The following TRIOBP variants were observed in gnomAD, a reference collection of about 807,000 sequenced individuals.
TRIOBP encodes the protein TRIO and F-actin binding protein.
In TRIOBP, 169 loss-of-function variants were observed where a neutral mutation model predicts 238.8. The observed-to-expected ratio is 0.71, with a 90% confidence interval of 0.62 to 0.80. The LOEUF is 0.80. TRIOBP is among the 30% of genes least tolerant of loss of function. The pLI is 0.00. For synonymous variants in TRIOBP, 1,150 were observed against 1,274.4 expected (o/e 0.90, Z 2.08); for missense variants, 2,838 against 3,122.6 (o/e 0.91, Z 2.17).
intron 6 of TRIOBP, among the ~76,000 whole-genome samples, chr22:37,717,973 G>A (rs1354255994): frequency 6.6e-6 from 1 of 152,220 alleles, no homozygotes; most frequent in Non-Finnish European, 1.5e-5. Context: ...TGCAGGTCCC[G>A]AGCCCTGCCC....
chr22:37,759,866 A>G (rs1926152468), intron 17 of TRIOBP: 3 of 729,606 alleles, frequency 4.1e-6, no homozygotes, highest in Non-Finnish European at 5.5e-6. Flanking sequence ...GTGTGTGTGT[A>G]CACATATATA....
chr22:37,711,609 CA>C lies in TRIOBP; in HGVS notation c.254+1052del, dbSNP rs1194726816. On this transcript the variant is annotated intron_variant, in intron 4 of 23. Coordinates refer to ENST00000644935, the MANE Select transcript of TRIOBP (RefSeq NM_001039141.3). ...AAAAAAAAACAACAAAAAAAAAAAA[CA>C]AAAAAAAACCCACAAAAAAACGAAA... is the stretch of plus-strand genomic sequence containing the variant. Among the ~76,000 whole-genome samples, 57 of 128,202 alleles carry C rather than the reference CA, an allele frequency of 4.4e-4. 1 individual carries two copies. Among genetic ancestry groups the C allele is most frequent in the South Asian group, 9.8e-4 (4 of 4,098 alleles). 84.1% of individuals were successfully genotyped at this position (128,202 alleles called of 152,430 possible).
rs1443933283 is a variant in TRIOBP at position 37,719,985 on chromosome 22, T to A, written c.629-3200T>A. On this transcript the variant is annotated intron_variant, in intron 6 of 23. Coordinates refer to ENST00000644935, the MANE Select transcript of TRIOBP (RefSeq NM_001039141.3). ...CCCCACACTGCACTCACTGTTTCAC[T>A]CATCCCCCCCCGCCCTTTTTTTTTT... Among the ~76,000 whole-genome samples the A allele has an allele frequency of 3.5e-5, 4 of 115,258 alleles. 1 individual carries two copies. Among genetic ancestry groups the A allele is most frequent in the African/African-American group, 1.4e-4 (4 of 27,932 alleles). 75.6% of individuals were successfully genotyped at this position (115,258 alleles called of 152,430 possible).
In TRIOBP at chr22:37,725,301, G is replaced by A. The variant is rs56352716; in HGVS notation, c.2745G>A (p.Gln915=). 1 of 1,613,638 alleles carries A rather than the reference G, an allele frequency of 6.2e-7. No homozygotes were observed. Residue 915 remains glutamine (Q), a synonymous_variant, in exon 7 of 24, where the codon CAG becomes CAA. Transcript: ENST00000644935. ...CCTCGTTTCCCCTCCGGCCAACTCA[G>A]AGTGATGGTCCCCGAACCTCTTCCC... The part of the protein sequence containing the change: ...PWASFPLRPT[Q]SDGPRTSSPS...
chr22:37,755,436 C>T (rs1303857096), intron 14 of TRIOBP, 114 bp from the exon 15 acceptor site: 1 of 1,048,620 alleles, frequency 9.5e-7, no homozygotes, highest in African/African-American at 1.6e-5. Context: ...CCACCCCAGA[C>T]TCAAGACCTT....
chr22:37,767,034 C>T (rs1569062486), intron 18 of TRIOBP, among the ~76,000 whole-genome samples: 1 of 150,306 alleles, frequency 6.7e-6, no homozygotes. Context: ...AGGTGCATCA[C>T]GAGGTCAGGA....
intron 11 of TRIOBP, 123 bp from the exon 12 acceptor site, chr22:37,751,649 C>G (rs1055222779): frequency 2.0e-4 from 229 of 1,130,000 alleles, no homozygotes; most frequent in Non-Finnish European, 2.9e-4. Context: ...GCCCTCTTGG[C>G]TGGCTTCCCA....
intron 15 of TRIOBP, 97 bp from the exon 16 acceptor site, chr22:37,757,516 T>C (rs1925991337): frequency 6.6e-7 from 1 of 1,504,766 alleles, no homozygotes; most frequent in African/African-American, 1.4e-5. Context: ...CTCCAGCCCC[T>C]GGCACAGGGC....
chr22:37,751,212 C>T, intron 11 of TRIOBP: 1 of 365,738 alleles, frequency 2.7e-6, no homozygotes, highest in Admixed American at 4.0e-5. Flanking sequence ...TAGGGCTTGC[C>T]AGGACTGACC....
At position 37,734,937 on chromosome 22, in the gene TRIOBP, C is replaced by T. The variant is rs767001229; in HGVS notation, c.4601C>T (p.Pro1534Leu). 6 of 1,613,392 alleles carry T rather than the reference C, an allele frequency of 3.7e-6. No homozygotes were observed. The South Asian group carries it at 5.5e-5, about 15-fold the overall frequency. Residue 1534 changes from proline (P) to leucine (L), a missense_variant, in exon 9 of 24, where the codon CCC becomes CTC. Coordinates refer to ENST00000644935, the MANE Select transcript of TRIOBP (RefSeq NM_001039141.3). ...TCACAATCCTGGCACTCTGGGACAC[C>T]CACTGCTGTGGGCTGGGGGGCAGAG... ...ESSQSWHSGTPTAVGWGAEGA... is the reference protein window; with the variant it reads ...ESSQSWHSGTLTAVGWGAEGA...
intron 11 of TRIOBP, among the ~76,000 whole-genome samples, chr22:37,745,883 C>CG (rs1569051355): frequency 2.0e-5 from 3 of 152,126 alleles, no homozygotes; most frequent in Non-Finnish European, 4.4e-5. Flanking sequence ...GCAGCCTGGG[C>CG]GAGTCGTGCC....
At chr22:37,730,033 A>C (rs1477621085) in intron 7 of TRIOBP, among the ~76,000 whole-genome samples, 1 of 151,980 alleles carries the variant, frequency 6.6e-6, no homozygotes, top group Admixed American at 6.6e-5. Flanking sequence ...AAGCATTGGG[A>C]GTTTTGGCTT....
chr22:37,757,474 C>T (rs1268745141), intron 15 of TRIOBP, 139 bp from the exon 16 acceptor site: 2 of 1,181,034 alleles, frequency 1.7e-6, no homozygotes, highest in African/African-American at 1.5e-5. Context: ...CCAGGAAGCT[C>T]AGGTCGGGCT....
chr22:37,704,767 G>T (rs1216633097), intron 3 of TRIOBP, among the ~76,000 whole-genome samples: 1 of 151,984 alleles, frequency 6.6e-6, no homozygotes, highest in Non-Finnish European at 1.5e-5. Flanking sequence ...GCAAAGGCCA[G>T]CCTGGCACGG....
At chr22:37,734,377 T>C in intron 8 of TRIOBP, 22 bp from the exon 9 acceptor site, 1 of 1,608,016 alleles carries the variant, frequency 6.2e-7, no homozygotes, top group South Asian at 1.1e-5. Flanking sequence ...GAGCCTCACC[T>C]ACCCCCTCAC....
At chr22:37,705,785 A>G (rs1205921720) in intron 3 of TRIOBP, among the ~76,000 whole-genome samples, 1 of 152,126 alleles carries the variant, frequency 6.6e-6, no homozygotes, top group East Asian at 1.9e-4. Flanking sequence ...CATGCCGCTC[A>G]GGCTGGTCTT....
In TRIOBP at chr22:37,758,977, C is replaced by T. The variant is rs538183204; in HGVS notation, c.6214-177C>T. On this transcript the variant is annotated intron_variant, in intron 16 of 23. Coordinates refer to ENST00000644935, the MANE Select transcript of TRIOBP (RefSeq NM_001039141.3). ...ATCCAGGAAACAGCCCAGCGTGTCCCCTGGCTACATCTCACTCCAGGGCTG... is the reference window on the plus strand; with the variant it reads ...ATCCAGGAAACAGCCCAGCGTGTCCTCTGGCTACATCTCACTCCAGGGCTG... Among the ~76,000 whole-genome samples, 8 of 152,308 alleles carry T rather than the reference C, an allele frequency of 5.3e-5. No individual in the cohort carries two copies. The East Asian group carries it at 9.7e-4, about 18-fold the overall frequency.
chr22:37,699,358 T>G (rs1437884388), intron 2 of TRIOBP, among the ~76,000 whole-genome samples: 1 of 151,924 alleles, frequency 6.6e-6, no homozygotes, highest in Non-Finnish European at 1.5e-5. Context: ...GCTCCTCACT[T>G]CCACCTCCGA....
At chr22:37,764,415 A>G (rs1029949148) in intron 17 of TRIOBP, among the ~76,000 whole-genome samples, 1 of 152,222 alleles carries the variant, frequency 6.6e-6, no homozygotes, top group Admixed American at 6.5e-5. Context: ...CTTTTTCCAC[A>G]GCATCCACAC....
Sources: allele counts gnomAD v4.1 joint callset (sites outside exome capture counted in the v4.1 genomes callset), GRCh38; gene constraint gnomAD v4.1.1; transcripts MANE v1.5; gene names NCBI Gene and HGNC (gene_info 2026-07-23, HGNC 2026-07-21).